Variants in FNDC3B observed in about 807,000 individuals in gnomAD.
FNDC3B encodes the protein fibronectin type III domain-containing protein 3B.
A neutral mutation model predicts 151.5 loss-of-function variants in FNDC3B; 12 were observed. The ratio of observed to expected loss-of-function variants is 0.08; its 90% CI spans 0.05 to 0.13. FNDC3B has a LOEUF of 0.13. Among genes scored for constraint, FNDC3B ranks in the 10% least tolerant of loss-of-function variants. The pLI is 1.00. For synonymous variants in FNDC3B, 528 were observed against 549.0 expected, an observed-to-expected ratio of 0.96 and a Z score of 0.54; for missense variants, 1,214 against 1,505.3, an observed-to-expected ratio of 0.81 and a Z score of 3.20.
At chr3:172,375,207 C>T (rs1735072887) in intron 23 of FNDC3B, among the ~76,000 whole-genome samples, 1 of 152,184 alleles carries the variant, frequency 6.6e-6, no homozygotes, top group Non-Finnish European at 1.5e-5. Context: ...CTCTTGGTCA[C>T]ACTTCAGAGT....
At chr3:172,273,458 C>T (rs1729295714) in intron 6 of FNDC3B, among the ~76,000 whole-genome samples, 1 of 152,214 alleles carries the variant, frequency 6.6e-6, no homozygotes, top group Non-Finnish European at 1.5e-5. Flanking sequence ...CCCATGACTA[C>T]TTCTCTGTTC....
chr3:172,339,743 T>C (rs576334990), intron 16 of FNDC3B, among the ~76,000 whole-genome samples: 1 of 152,312 alleles, frequency 6.6e-6, no homozygotes, highest in South Asian at 2.1e-4. Flanking sequence ...GTAGGGGCCC[T>C]TCTGGACTTC....
rs73041123 is a variant in FNDC3B at position 172,151,353 on chromosome 3, A to G, written c.187+17807A>G. Among the ~76,000 whole-genome samples, 491 of 152,316 alleles carry G rather than the reference A, an allele frequency of 3.2e-3. 3 individuals are homozygous for G. The highest frequency in any genetic ancestry group is 0.012 in the African/African-American group (480 of 41,562). On this transcript the variant is annotated intron_variant, in intron 3 of 25. Coordinates refer to ENST00000415807, the MANE Select transcript of FNDC3B (RefSeq NM_022763.4). Reference sequence around the variant, plus strand: ...GTGTTTGCTGTTGTAGCATTATCCTATTAAAAACTACATAACCCAGTTCAG... The same window carrying G: ...GTGTTTGCTGTTGTAGCATTATCCTGTTAAAAACTACATAACCCAGTTCAG...
chr3:172,333,080 C>A lies in FNDC3B; in HGVS notation c.1555-9C>A. 1 of 1,591,566 alleles carries A rather than the reference C, an allele frequency of 6.3e-7. No homozygotes were observed. Among genetic ancestry groups the A allele is most frequent in the Non-Finnish European group, 8.6e-7 (1 of 1,159,614 alleles). ...ATACTGATGTTTCTTCCTGGCTTTG[C>A]CTTTTCAGGATAACCTTTTCCACCC... On this transcript the variant is annotated splice_polypyrimidine_tract_variant and intron_variant, in intron 13 of 25. Transcript: ENST00000415807.
intron 4 of FNDC3B, among the ~76,000 whole-genome samples, chr3:172,243,863 A>G (rs1727632495): frequency 6.6e-6 from 1 of 152,188 alleles, no homozygotes. Context: ...TCAACATTTG[A>G]ATTTGGGGAC....
intron 4 of FNDC3B, among the ~76,000 whole-genome samples, chr3:172,232,894 T>C (rs1468227314): frequency 6.6e-6 from 1 of 152,228 alleles, no homozygotes; most frequent in South Asian, 2.1e-4. Context: ...AGAAATGTTA[T>C]GTGAGGTGTG....
intron 7 of FNDC3B, among the ~76,000 whole-genome samples, chr3:172,293,339 G>A (rs1244641184): frequency 6.6e-6 from 1 of 152,098 alleles, no homozygotes; most frequent in Non-Finnish European, 1.5e-5. Context: ...GGAGGGGTGG[G>A]GAAGAGGAGC....
At chr3:172,243,450 C>G (rs62281800) in intron 4 of FNDC3B, among the ~76,000 whole-genome samples, 22,622 of 152,142 alleles carry the variant, frequency 0.15, 1,830 homozygotes, top group African/African-American at 0.21. Context: ...GCAAGGAGGA[C>G]CAAGTCACAT....
intron 1 of FNDC3B, among the ~76,000 whole-genome samples, chr3:172,084,716 G>A (rs78473751): frequency 5.3e-4 from 80 of 152,308 alleles, no homozygotes; most frequent in African/African-American, 1.6e-3. Context: ...TGGTTTGGCC[G>A]TATTCGGCTT....
At chr3:172,346,196 T>C (rs1352232534) in intron 19 of FNDC3B, 131 bp from the exon 20 acceptor site, 3 of 459,292 alleles carry the variant, frequency 6.5e-6, no homozygotes, top group African/African-American at 4.0e-5. Flanking sequence ...TTGGGTAATA[T>C]TTGTTAATTA....
chr3:172,355,181 A>G (rs1009830800), intron 22 of FNDC3B, among the ~76,000 whole-genome samples: 5 of 152,204 alleles, frequency 3.3e-5, no homozygotes, highest in African/African-American at 1.2e-4. Flanking sequence ...ATTAAAAATG[A>G]AAACCTAACT....
chr3:172,176,730 A>G (rs1303115147), intron 3 of FNDC3B, among the ~76,000 whole-genome samples: 1 of 152,164 alleles, frequency 6.6e-6, no homozygotes, highest in Non-Finnish European at 1.5e-5. Flanking sequence ...ACTTTTTTGA[A>G]TAGTCTGGAG....
intron 1 of FNDC3B, among the ~76,000 whole-genome samples, chr3:172,065,839 G>C (rs1717471542): frequency 6.6e-6 from 1 of 152,118 alleles, no homozygotes; most frequent in Non-Finnish European, 1.5e-5. Context: ...CCTCTGCAAA[G>C]TTTTTCTTTC....
intron 3 of FNDC3B, chr3:172,225,499 G>A: frequency 4.5e-6 from 1 of 220,974 alleles, no homozygotes; most frequent in Non-Finnish European, 9.4e-6. Flanking sequence ...ATTGTTTGTG[G>A]CTGGCCATAA....
chr3:172,310,230 C>T (rs1165088631), intron 10 of FNDC3B, among the ~76,000 whole-genome samples: 1 of 152,186 alleles, frequency 6.6e-6, no homozygotes, highest in East Asian at 1.9e-4. Flanking sequence ...CAGATCTCAG[C>T]ATGCTTTTTA....
At chr3:172,237,151 C>T (rs1006941500) in intron 4 of FNDC3B, among the ~76,000 whole-genome samples, 11 of 152,176 alleles carry the variant, frequency 7.2e-5, no homozygotes, top group African/African-American at 9.6e-5. Context: ...TAAAGCCTGT[C>T]GGTAAGATTC....
At chr3:172,208,536 TG>T (rs1692585619) in intron 3 of FNDC3B, among the ~76,000 whole-genome samples, 1 of 152,214 alleles carries the variant, frequency 6.6e-6, no homozygotes, top group Admixed American at 6.5e-5. Flanking sequence ...ATATAATCGT[TG>T]TACATATTGT....
chr3:172,179,858 CAAAAAAAAAAAAAA>C (rs60259015), intron 3 of FNDC3B, among the ~76,000 whole-genome samples: 4 of 97,786 alleles, frequency 4.1e-5, no homozygotes, highest in Admixed American at 1.1e-4. Flanking sequence ...GCCCTGTCTC[CAAAAAAAAAAAAAA>C]AAAAAAAAAA....
chr3:172,290,926 A>G (rs911137965), intron 7 of FNDC3B, among the ~76,000 whole-genome samples: 6 of 152,224 alleles, frequency 3.9e-5, no homozygotes, highest in African/African-American at 4.8e-5. Context: ...TTAGATCAGT[A>G]GGCCTCCCAC....
Sources: allele counts gnomAD v4.1 joint callset (sites outside exome capture counted in the v4.1 genomes callset), GRCh38; gene constraint gnomAD v4.1.1; transcripts MANE v1.5; gene names NCBI Gene and HGNC (gene_info 2026-07-23, HGNC 2026-07-21).